The following RRAD variants were observed in gnomAD, a reference collection of about 807,000 sequenced individuals.
RRAD encodes GTP-binding protein RAD.
RRAD carries 15 observed loss-of-function variants against 24.7 expected under a neutral mutation model. The observed-to-expected ratio is 0.61, with a 90% CI of 0.41 to 0.93. RRAD has a LOEUF of 0.93. Ranked by LOEUF, RRAD falls within the 40% of genes least tolerant of loss-of-function variation. RRAD has a pLI of 0.00. For missense variants in RRAD, 438 were observed against 452.2 expected (o/e 0.97, Z 0.29); for synonymous variants, 180 against 189.8 (o/e 0.95, Z 0.43).
In RRAD at chr16:66,924,609, G is replaced by A. The variant is rs1962965153; in HGVS notation, c.370+201C>T. On this transcript the variant is annotated intron_variant, in intron 2 of 4. Coordinates refer to ENST00000299759, the MANE Select transcript of RRAD (RefSeq NM_004165.3). The surrounding 1 kb of genome is among the most constrained non-coding windows in gnomAD (Gnocchi z 4.2). The stretch of plus-strand genomic sequence containing the variant: ...GAAACCTGAAGGCGGAGGTTGCAGT[G>A]AGCCTAGATCGAGGCCACTGCACTC... Among the ~76,000 whole-genome samples, 1 of 152,098 alleles carries A rather than the reference G, an allele frequency of 6.6e-6. No homozygotes were observed. Among genetic ancestry groups the A allele is most frequent in the Admixed American group, 6.5e-5 (1 of 15,278 alleles).
rs944449754 is a variant in RRAD, at chr16:66,922,042, G to A, written c.*34C>T. 8 of 1,576,486 alleles carry A rather than the reference G, an allele frequency of 5.1e-6. No individual in the cohort carries two copies. Among genetic ancestry groups the A allele is most frequent in the African/African-American group, 1.3e-5 (1 of 74,180 alleles). On this transcript the variant is annotated 3_prime_UTR_variant, in exon 5 of 5. Coordinates refer to ENST00000299759, the MANE Select transcript of RRAD (RefSeq NM_004165.3). The stretch of plus-strand genomic sequence containing the variant: ...GCTGGGCCAGCCCACCAACCCTTCC[G>A]TTCGTCTCCCACCATAGTGGGAGCG...
At position 66,923,815 on chromosome 16, in the gene RRAD, C is replaced by T. The variant is rs760950781; in HGVS notation, c.444+31G>A. ...CCTCTAACCCAACTCACTCCTCCCTCCCCTGCCCTGGGTCTCTGCTTGCAC... is the reference window on the plus strand; with the variant it reads ...CCTCTAACCCAACTCACTCCTCCCTTCCCTGCCCTGGGTCTCTGCTTGCAC... On this transcript the variant is annotated intron_variant, in intron 3 of 4. Coordinates refer to ENST00000299759, the MANE Select transcript of RRAD (RefSeq NM_004165.3). The surrounding 1 kb of genome is among the most constrained non-coding windows in gnomAD (Gnocchi z 4.9). 3.7e-6 allele frequency: 6 copies of T among 1,611,006 alleles called. No individual in the cohort carries two copies. Among genetic ancestry groups the T allele is most frequent in the Non-Finnish European group, 5.1e-6 (6 of 1,177,170 alleles).
rs1962938972 is a variant in RRAD at position 66,923,055 on chromosome 16, G to T, written c.649+461C>A. On this transcript the variant is annotated intron_variant, in intron 4 of 4. Transcript: ENST00000299759. The surrounding 1 kb of genome is among the most constrained non-coding windows in gnomAD (Gnocchi z 4.9). ...TGATCCAGTGGACTGGGGTTGCGGA[G>T]GCAAGGTCACCAAGTCACTGCTGGG... Among the ~76,000 whole-genome samples the T allele has an allele frequency of 1.3e-5, 2 of 152,224 alleles. No individual in the cohort carries two copies. Among genetic ancestry groups the T allele is most frequent in the African/African-American group, 2.4e-5 (1 of 41,452 alleles).
rs757648876 is a variant in RRAD at position 66,923,593 on chromosome 16, C to G, written c.572G>C (p.Arg191Pro). The change falls in exon 4 of 5, where the codon CGG becomes CCG. Residue 191 changes from arginine to proline, a missense_variant. Coordinates refer to ENST00000299759, the MANE Select transcript of RRAD (RefSeq NM_004165.3). The surrounding 1 kb of genome is among the most constrained non-coding windows in gnomAD (Gnocchi z 4.9). ...SELRVQLRRA[R>P]QTDDVPIILV... Reference sequence around the variant, plus strand: ...GATGATGGGCACATCATCTGTTTGCCGTGCACGCCGCAGCTGGACCCGCAG... The same window carrying G: ...GATGATGGGCACATCATCTGTTTGCGGTGCACGCCGCAGCTGGACCCGCAG... 6.2e-7 allele frequency: 1 copy of G among 1,613,622 alleles called. No homozygotes were observed. Among genetic ancestry groups the G allele is most frequent in the Non-Finnish European group, 8.5e-7 (1 of 1,179,998 alleles).
At position 66,924,714 on chromosome 16, in the gene RRAD, CTAT is replaced by C; in HGVS notation, c.370+93_370+95del. 8.1e-6 allele frequency: 7 copies of C among 867,696 alleles called. No homozygotes were observed. Among genetic ancestry groups the C allele is most frequent in the Non-Finnish European group, 9.4e-6 (6 of 641,598 alleles). 53.7% of individuals were successfully genotyped at this position (867,696 alleles called of 1,614,324 possible). A position where few individuals can be genotyped will look rare whatever the true frequency, so the allele number is the denominator to read the frequency against. The stretch of plus-strand genomic sequence containing the variant: ...ATAATAATAATAACAACAACAACAA[CTAT>C]AATTCCACGGTATTTGCGGCTTTGA... On this transcript the variant is annotated intron_variant, in intron 2 of 4. Coordinates refer to ENST00000299759, the MANE Select transcript of RRAD (RefSeq NM_004165.3). This position sits in a 1 kb window ranked among gnomAD's most constrained non-coding sequence, Gnocchi z 4.2.
chr16:66,924,825 C>A lies in RRAD; in HGVS notation c.355G>T (p.Glu119Ter). The A allele has an allele frequency of 6.3e-7, 1 of 1,580,048 alleles. No individual in the cohort carries two copies. The highest frequency in any genetic ancestry group is 1.1e-5 in the South Asian group (1 of 88,790). ...GTCCCCTCACCTGCTGCCTCTGCTT[C>A]AGGCCCGTCCTCCACACCGCCGAAG... ...RIFGGVEDGPEAEAAGHTYDR... is the reference protein window; with the variant it reads ...RIFGGVEDGP The change falls in exon 2 of 5, where the codon GAA (glutamate) becomes TAA (stop). Residue 119 changes from glutamate (E) to a stop codon, truncating the protein, a stop_gained. Transcript: ENST00000299759. LOFTEE classifies it high-confidence loss of function. The surrounding 1 kb of genome is among the most constrained non-coding windows in gnomAD (Gnocchi z 4.2).
rs546372041 is a variant in RRAD, at chr16:66,921,833, G to A, written c.*243C>T. On this transcript the variant is annotated 3_prime_UTR_variant, in exon 5 of 5. Transcript: ENST00000299759. ...CAGGCCTGCCCGGCGGCTGCGCTGC[G>A]GCTGCTTGGGACGCATATGAGCCTG... The A allele has an allele frequency of 6.7e-6, 3 of 444,670 alleles. No individual in the cohort carries two copies. The highest frequency in any genetic ancestry group is 5.6e-5 in the South Asian group (1 of 18,000). 27.5% of individuals were successfully genotyped at this position (444,670 alleles called of 1,614,324 possible). A position where few individuals can be genotyped will look rare whatever the true frequency, so the allele number is the denominator to read the frequency against.
Position 66,923,439 on chromosome 16 carries a change from A to C in RRAD, c.649+77T>G. ...TTTTAGCCTCTGATGATCCCCAGGG[A>C]CTCAAGCTGAGCCAAGACTGCCTGG... On this transcript the variant is annotated intron_variant, in intron 4 of 4. Coordinates refer to ENST00000299759, the MANE Select transcript of RRAD (RefSeq NM_004165.3). This position sits in a 1 kb window ranked among gnomAD's most constrained non-coding sequence, Gnocchi z 4.9. The C allele has an allele frequency of 8.4e-7, 1 of 1,186,594 alleles. No individual in the cohort carries two copies. The highest frequency in any genetic ancestry group is 1.2e-6 in the Non-Finnish European group (1 of 830,258). The allele number at this position is 1,186,594 out of a possible 1,614,324, so 73.5% of individuals were successfully genotyped here. A position where few individuals can be genotyped will look rare whatever the true frequency, so the allele number is the denominator to read the frequency against.
rs111919092 is a variant in RRAD at position 66,924,699 on chromosome 16, T to TAATAATAACAAC, written c.370+110_370+111insGTTGTTATTATT. On this transcript the variant is annotated intron_variant, in intron 2 of 4. Coordinates refer to ENST00000299759, the MANE Select transcript of RRAD (RefSeq NM_004165.3). The surrounding 1 kb of genome is among the most constrained non-coding windows in gnomAD (Gnocchi z 4.2). ...AATAAAATAATAATAATAATAATAA[T>TAATAATAACAAC]AACAACAACAACAACTATAATTCCA... 1.7e-5 allele frequency: 11 copies of TAATAATAACAAC among 662,450 alleles called. No individual in the cohort carries two copies. Among genetic ancestry groups the TAATAATAACAAC allele is most frequent in the Non-Finnish European group, 1.0e-5 (5 of 487,598 alleles). The allele number at this position is 662,450 out of a possible 1,614,324, so 41.0% of individuals were successfully genotyped here.
At position 66,925,330 on chromosome 16, in the gene RRAD, G is replaced by A; in HGVS notation, c.-16+79C>T. 1 of 801,782 alleles carries A rather than the reference G, an allele frequency of 1.2e-6. No individual in the cohort carries two copies. Among genetic ancestry groups the A allele is most frequent in the Non-Finnish European group, 1.7e-6 (1 of 604,692 alleles). 49.7% of individuals were successfully genotyped at this position (801,782 alleles called of 1,614,324 possible). ...AGCCCTCCCCCAGCCCCCAGGTCGC[G>A]GCGCCCTCACCCGGGACCCCTCCGG... is the stretch of plus-strand genomic sequence containing the variant. On this transcript the variant is annotated intron_variant, in intron 1 of 4. Coordinates refer to ENST00000299759, the MANE Select transcript of RRAD (RefSeq NM_004165.3). The surrounding 1 kb of genome is among the most constrained non-coding windows in gnomAD (Gnocchi z 5.2).
chr16:66,922,183 G>A lies in RRAD; in HGVS notation c.820C>T (p.Leu274Phe), dbSNP rs775297480. Residue 274 changes from leucine to phenylalanine, a missense_variant, in exon 5 of 5, where the codon CTT (leucine) becomes TTT (phenylalanine). Leu to Phe is a conservative substitution (Grantham distance 22). Coordinates refer to ENST00000299759, the MANE Select transcript of RRAD (RefSeq NM_004165.3). ...AAGAAGCGCTTCGCCTTTTTGCCAAGGCTCTCTCGCCTCCGGGTGCCTGCT... is the reference window on the plus strand; with the variant it reads ...AAGAAGCGCTTCGCCTTTTTGCCAAAGCTCTCTCGCCTCCGGGTGCCTGCT... ...RQAGTRRRES[L>F]GKKAKRFLGR... 9.3e-6 allele frequency: 15 copies of A among 1,614,086 alleles called. No individual in the cohort carries two copies. In the South Asian group the frequency reaches 1.5e-4, roughly 17 times the overall value.
rs553603916 is a variant in RRAD, at chr16:66,922,054, C to G, written c.*22G>C. ...CACCAACCCTTCCGTTCGTCTCCCA[C>G]CATAGTGGGAGCGGGTGGGACCTAG... On this transcript the variant is annotated 3_prime_UTR_variant, in exon 5 of 5. Coordinates refer to ENST00000299759, the MANE Select transcript of RRAD (RefSeq NM_004165.3). 21 of 1,591,050 alleles carry G rather than the reference C, an allele frequency of 1.3e-5. No individual in the cohort carries two copies. Among genetic ancestry groups the G allele is most frequent in the East Asian group, 2.3e-5 (1 of 44,280 alleles).
rs755193718 is a variant in RRAD, at chr16:66,924,229, C to T, written c.371-310G>A. ...GGCAGGGAGGGATGTCCAGTCCCAT[C>T]CCACAGAGTAGCCATATCTATGCCC... On this transcript the variant is annotated intron_variant, in intron 2 of 4. Coordinates refer to ENST00000299759, the MANE Select transcript of RRAD (RefSeq NM_004165.3). This position sits in a 1 kb window ranked among gnomAD's most constrained non-coding sequence, Gnocchi z 4.2. Among the ~76,000 whole-genome samples the T allele has an allele frequency of 1.2e-4, 19 of 152,210 alleles. No individual in the cohort carries two copies. Among genetic ancestry groups the T allele is most frequent in the Non-Finnish European group, 2.1e-4 (14 of 68,046 alleles).
chr16:66,922,424 GC>G, intron 4 of RRAD, 71 bp from the exon 5 acceptor site: 1 of 1,459,134 alleles, frequency 6.9e-7, no homozygotes, highest in Non-Finnish European at 9.2e-7. Flanking sequence ...TCCAACAGTG[GC>G]CACCCATGGA....
chr16:66,923,646 G>T lies in RRAD; in HGVS notation c.519C>A (p.Asp173Glu). 6.2e-7 allele frequency: 1 copy of T among 1,614,096 alleles called. No individual in the cohort carries two copies. Residue 173 changes from aspartate (D) to glutamate (E), a missense_variant, in exon 4 of 5, where the codon GAC (aspartate) becomes GAA (glutamate). Asp to Glu is a conservative substitution (Grantham distance 45). Coordinates refer to ENST00000299759, the MANE Select transcript of RRAD (RefSeq NM_004165.3). The surrounding 1 kb of genome is among the most constrained non-coding windows in gnomAD (Gnocchi z 4.9). The stretch of plus-strand genomic sequence containing the variant: ...CTGAGGCCTTCTCGAAGCTGCCCTT[G>T]TCCGTCACTGAGTACACAATGACAT... ...DAYVIVYSVT[D>E]KGSFEKASEL...
Position 66,922,165 on chromosome 16 carries a change from G to C in RRAD, c.838C>G (p.Arg280Gly), listed in dbSNP as rs1304477253. 3 of 1,614,186 alleles carry C rather than the reference G, an allele frequency of 1.9e-6. No individual in the cohort carries two copies. In the South Asian group the frequency reaches 3.3e-5, roughly 18 times the overall value. Residue 280 changes from arginine (R) to glycine (G), a missense_variant, in exon 5 of 5, where the codon CGC becomes GGC. Physicochemically the swap from Arg to Gly is moderately radical, Grantham distance 125. Transcript: ENST00000299759. ...RRESLGKKAK[R>G]FLGRIVARNS... Reference sequence around the variant, plus strand: ...CGAGCTACGATGCGGCCCAAGAAGCGCTTCGCCTTTTTGCCAAGGCTCTCT... The same window carrying C: ...CGAGCTACGATGCGGCCCAAGAAGCCCTTCGCCTTTTTGCCAAGGCTCTCT...
rs1003453997 is a variant in RRAD, at chr16:66,923,184, T to C, written c.649+332A>G. 2.6e-5 allele frequency among the ~76,000 whole-genome samples: 4 copies of C among 151,982 alleles called. No homozygotes were observed. Among genetic ancestry groups the C allele is most frequent in the African/African-American group, 9.7e-5 (4 of 41,366 alleles). On this transcript the variant is annotated intron_variant, in intron 4 of 4. Coordinates refer to ENST00000299759, the MANE Select transcript of RRAD (RefSeq NM_004165.3). This position sits in a 1 kb window ranked among gnomAD's most constrained non-coding sequence, Gnocchi z 4.9. ...GTCTACTCTAAGAATGGCCCAGACC[T>C]AGCACACAGGCTCTGACCTCCTGGC... is the stretch of plus-strand genomic sequence containing the variant.
chr16:66,924,647 A>G lies in RRAD; in HGVS notation c.370+163T>C, dbSNP rs569392034. Among the ~76,000 whole-genome samples the G allele has an allele frequency of 1.3e-5, 2 of 151,364 alleles. No individual in the cohort carries two copies. The highest frequency in any genetic ancestry group is 6.6e-5 in the Admixed American group (1 of 15,064). On this transcript the variant is annotated intron_variant, in intron 2 of 4. Coordinates refer to ENST00000299759, the MANE Select transcript of RRAD (RefSeq NM_004165.3). The surrounding 1 kb of genome is among the most constrained non-coding windows in gnomAD (Gnocchi z 4.2). ...GGCCACTGCACTCCAGCCTGGGAAA[A>G]AGAGCGAAACTCTGTCTCAAAATAA...
chr16:66,922,301 C>T lies in RRAD; in HGVS notation c.702G>A (p.Ala234=), dbSNP rs776891592. ...VFDCKFIETS[A]ALHHNVQALF... Reference sequence around the variant, plus strand: ...GCGCCTGGACATTGTGGTGCAATGCCGCTGATGTCTCAATGAACTTGCAGT... The same window carrying T: ...GCGCCTGGACATTGTGGTGCAATGCTGCTGATGTCTCAATGAACTTGCAGT... The change falls in exon 5 of 5, where the codon GCG becomes GCA. Residue 234 remains alanine, a synonymous_variant. Coordinates refer to ENST00000299759, the MANE Select transcript of RRAD (RefSeq NM_004165.3). The T allele has an allele frequency of 4.3e-6, 7 of 1,609,652 alleles. No individual in the cohort carries two copies. In the Admixed American group the frequency reaches 8.3e-5, roughly 19 times the overall value.
Sources: allele counts gnomAD v4.1 joint callset (sites outside exome capture counted in the v4.1 genomes callset), GRCh38; gene constraint gnomAD v4.1.1; non-coding constraint Gnocchi (gnomAD v3.1); transcripts MANE v1.5; gene names NCBI Gene and HGNC (gene_info 2026-07-23, HGNC 2026-07-21).